The following PPP2R3B variants were observed in gnomAD, a reference collection of about 807,000 sequenced individuals.
The protein encoded by PPP2R3B is serine/threonine-protein phosphatase 2A regulatory subunit B'' subunit beta.
Under a neutral mutation model 72.9 loss-of-function variants are expected in PPP2R3B, and 68 were observed. That is an observed-to-expected ratio of 0.93 (90% CI 0.77 to 1.14). The LOEUF (loss-of-function observed/expected upper bound fraction) is 1.14. PPP2R3B is among the 50% of genes most tolerant of loss of function. The probability of loss-of-function intolerance (pLI) is 0.00; values close to 1 mark genes in which losing one functional copy is unlikely to be tolerated. For synonymous variants in PPP2R3B, 466 were observed against 375.8 expected (o/e 1.24, Z -2.78); for missense variants, 1,018 against 842.0 (o/e 1.21, Z -2.59).
intron 8 of PPP2R3B, 48 bp downstream of exon 8, chrX:341,835 G>T: frequency 6.2e-7 from 1 of 1,600,262 alleles, no homozygotes; most frequent in African/African-American, 1.3e-5. Flanking sequence ...AGGGACCGGG[G>T]TCCTCGCAGG....
intron 1 of PPP2R3B, among the ~76,000 whole-genome samples, chrX:363,510 G>GAGCCCAGCATCCCACAATGCATCTCCCCA (rs1569403918): frequency 8.7e-4 from 62 of 71,174 alleles, no homozygotes; most frequent in Non-Finnish European, 1.3e-3. Flanking sequence ...GCATCTCCCC[G>GAGCCCAGCATCCCACAATGCATCTCCCCA]AGCCCGCGAT....
chrX:370,771 C>A (rs755500878), intron 1 of PPP2R3B, among the ~76,000 whole-genome samples: 1 of 152,136 alleles, frequency 6.6e-6, no homozygotes, highest in African/African-American at 2.4e-5. Context: ...GGGAGGGGAA[C>A]GGCACGTGCC....
In PPP2R3B at chrX:338,716, G is replaced by A. The variant is rs376256268; in HGVS notation, c.1471-6C>T. 9.9e-6 allele frequency: 16 copies of A among 1,611,668 alleles called. No individual in the cohort carries two copies. Among genetic ancestry groups the A allele is most frequent in the African/African-American group, 5.3e-5 (4 of 74,896 alleles). On this transcript the variant is annotated splice_polypyrimidine_tract_variant and splice_region_variant and intron_variant, in intron 11 of 12. Coordinates refer to ENST00000390665, the MANE Select transcript of PPP2R3B (RefSeq NM_013239.5). ...GGGCCGCCGCTGTCACCGTCCTGGAGGAAGCACACGGGTTACGTACACGGC... is the reference window on the plus strand; with the variant it reads ...GGGCCGCCGCTGTCACCGTCCTGGAAGAAGCACACGGGTTACGTACACGGC...
Position 334,305 on chromosome X carries a change from C to A in PPP2R3B, c.*62G>T, listed in dbSNP as rs1025412724. 15 of 1,416,580 alleles carry A rather than the reference C, an allele frequency of 1.1e-5. No homozygotes were observed. The highest frequency in any genetic ancestry group is 1.5e-5 in the African/African-American group (1 of 66,448). The allele number at this position is 1,416,580 out of a possible 1,614,324, so 87.8% of individuals were successfully genotyped here. ...TTTTCCACAACAGTTTTTACACGAGCCGCGGTGGCCCGGTGGTGGCACGTG... is the reference window on the plus strand; with the variant it reads ...TTTTCCACAACAGTTTTTACACGAGACGCGGTGGCCCGGTGGTGGCACGTG... On this transcript the variant is annotated 3_prime_UTR_variant, in exon 13 of 13. Transcript: ENST00000390665.
intron 1 of PPP2R3B, among the ~76,000 whole-genome samples, chrX:377,930 TG>T (rs1192010239): frequency 7.7e-6 from 1 of 129,352 alleles, no homozygotes; most frequent in Non-Finnish European, 1.6e-5. Flanking sequence ...GGGGCCACCA[TG>T]GGGCTGTCTA....
Position 386,440 on chromosome X carries a change from G to A in PPP2R3B, c.252C>T (p.Pro84=). 6 of 1,314,772 alleles carry A rather than the reference G, an allele frequency of 4.6e-6. No homozygotes were observed. The highest frequency in any genetic ancestry group is 4.9e-6 in the Non-Finnish European group (5 of 1,028,010). The allele number at this position is 1,314,772 out of a possible 1,614,324, so 81.4% of individuals were successfully genotyped here. A position where few individuals can be genotyped will look rare whatever the true frequency, so the allele number is the denominator to read the frequency against. ...PGTPGPGPAL[P]LGAASSPRNA... is the part of the protein sequence containing the mutation. ...TCCTGGGGCTGGAGGCGGCGCCCAG[G>A]GGCAGCGCAGGGCCCGGCCCGGGGG... The change falls in exon 1 of 13, where the codon CCC becomes CCT. Residue 84 remains proline (P), a synonymous_variant. Transcript: ENST00000390665.
chrX:378,228 C>T lies in PPP2R3B; in HGVS notation c.324+8140G>A, dbSNP rs1456873619. Among the ~76,000 whole-genome samples, 4 of 152,326 alleles carry T rather than the reference C, an allele frequency of 2.6e-5. No homozygotes were observed. The South Asian group carries it at 6.2e-4, about 24-fold the overall frequency. ...CCCCTCACGGCACCCGAATCTCCAC[C>T]GTCCCTCTGCTGTCGGGACACAATC... On this transcript the variant is annotated intron_variant, in intron 1 of 12. Coordinates refer to ENST00000390665, the MANE Select transcript of PPP2R3B (RefSeq NM_013239.5).
At chrX:339,275 G>GC (rs1556105668) in intron 10 of PPP2R3B, among the ~76,000 whole-genome samples, 1 of 150,100 alleles carries the variant, frequency 6.7e-6, no homozygotes, top group African/African-American at 2.5e-5. Context: ...CCATGGCCGG[G>GC]GGGGGCAGGG....
intron 2 of PPP2R3B, among the ~76,000 whole-genome samples, chrX:348,581 A>AAG (rs2071271386): frequency 7.6e-5 from 11 of 144,416 alleles, no homozygotes; most frequent in East Asian, 4.2e-4. Context: ...GTCTCAAAAA[A>AAG]AGAGCAAATA....
At chrX:352,589 C>T (rs1024471226) in intron 2 of PPP2R3B, among the ~76,000 whole-genome samples, 16 of 152,092 alleles carry the variant, frequency 1.1e-4, no homozygotes, top group African/African-American at 3.9e-4. Flanking sequence ...AACCCTATTC[C>T]ATTATGGCTC....
chrX:371,988 A>C (rs1269779543), intron 1 of PPP2R3B, among the ~76,000 whole-genome samples: 1 of 152,158 alleles, frequency 6.6e-6, no homozygotes, highest in Non-Finnish European at 1.5e-5. Context: ...CTTTTTAAAA[A>C]TAAACAGTCC....
intron 1 of PPP2R3B, among the ~76,000 whole-genome samples, chrX:370,660 C>A (rs1320117411): frequency 6.6e-6 from 1 of 152,188 alleles, no homozygotes; most frequent in African/African-American, 2.4e-5. Flanking sequence ...AGGTGGGGAA[C>A]CCAAGCCCTG....
intron 1 of PPP2R3B, among the ~76,000 whole-genome samples, chrX:377,564 A>G (rs866434864): frequency 0.013 from 653 of 49,618 alleles, 3 homozygotes; most frequent in Middle Eastern, 0.045. Context: ...CAGTGGGGCC[A>G]CCATGGGGCT....
chrX:380,067 G>A (rs953302047), intron 1 of PPP2R3B, among the ~76,000 whole-genome samples: 3 of 152,106 alleles, frequency 2.0e-5, no homozygotes, highest in African/African-American at 4.8e-5. Flanking sequence ...CTCATACCAC[G>A]CAGAAAAACT....
rs2071209282 is a variant in PPP2R3B at position 346,233 on chromosome X, T to C, written c.820A>G (p.Asn274Asp). Residue 274 changes from asparagine (N) to aspartate (D), a missense_variant, in exon 6 of 13, where the codon AAC becomes GAC. Physicochemically the swap from Asn to Asp is conservative, Grantham distance 23 (BLOSUM62 1). Coordinates refer to ENST00000390665, the MANE Select transcript of PPP2R3B (RefSeq NM_013239.5). ...TVIQRIFYAV[N>D]RSWSGRITCA... ...GTGATCCTGCCGGACCAGGACCGGT[T>C]CACGGCGTAGAAGATCCGCTGGATG... 1 of 1,572,486 alleles carries C rather than the reference T, an allele frequency of 6.4e-7. No homozygotes were observed. Among genetic ancestry groups the C allele is most frequent in the Non-Finnish European group, 8.6e-7 (1 of 1,160,774 alleles).
At chrX:361,344 C>G in intron 2 of PPP2R3B, 61 bp downstream of exon 2, 1 of 1,593,156 alleles carries the variant, frequency 6.3e-7, no homozygotes, top group Admixed American at 1.7e-5. Context: ...GCCGCTCCGC[C>G]TCACCCTCAC....
intron 7 of PPP2R3B, among the ~76,000 whole-genome samples, chrX:344,079 G>C (rs2071138101): frequency 6.8e-6 from 1 of 147,440 alleles, no homozygotes; most frequent in East Asian, 2.1e-4. Flanking sequence ...ACGGGAGGCG[G>C]GAGGGAGACC....
intron 1 of PPP2R3B, among the ~76,000 whole-genome samples, chrX:376,608 GGCC>G (rs2072002393): frequency 1.8e-5 from 1 of 56,752 alleles, no homozygotes; most frequent in South Asian, 7.1e-4. Flanking sequence ...CACCCAGTGG[GGCC>G]GCCATGGGGC....
At position 338,981 on chromosome X, in the gene PPP2R3B, C is replaced by T. The variant is rs148278282; in HGVS notation, c.1352-85G>A. ...TGTGGGGTGCGCGCGTCCTGTCACA[C>T]GTGCTTAAGGACGCGGCACGAAGCT... On this transcript the variant is annotated intron_variant, in intron 10 of 12. Coordinates refer to ENST00000390665, the MANE Select transcript of PPP2R3B (RefSeq NM_013239.5). The T allele has an allele frequency of 3.0e-3, 3,373 of 1,131,322 alleles. 56 individuals are homozygous for T. In the African/African-American group the frequency reaches 0.036, roughly 12 times the overall value. The allele number at this position is 1,131,322 out of a possible 1,614,324, so 70.1% of individuals were successfully genotyped here. A position where few individuals can be genotyped will look rare whatever the true frequency, so the allele number is the denominator to read the frequency against.
Sources: allele counts gnomAD v4.1 joint callset (sites outside exome capture counted in the v4.1 genomes callset), GRCh38; gene constraint gnomAD v4.1.1; transcripts MANE v1.5; gene names NCBI Gene and HGNC (gene_info 2026-07-23, HGNC 2026-07-21).